The following PSD3 variants were observed in gnomAD, a reference collection of about 807,000 sequenced individuals.
PSD3 encodes the protein pleckstrin and Sec7 domain containing 3.
PSD3 carries 49 observed loss-of-function variants against 105.5 expected under a neutral mutation model. The observed-to-expected ratio is 0.46, with a 90% CI of 0.37 to 0.59. PSD3 has a LOEUF of 0.59. Ranked by LOEUF, PSD3 falls within the 20% of genes least tolerant of loss-of-function variation. The probability of loss-of-function intolerance (pLI) is 0.00; values close to 1 mark genes in which losing one functional copy is unlikely to be tolerated. For missense variants in PSD3, 1,561 were observed against 1,263.8 expected (o/e 1.24, Z -3.57); for synonymous variants, 557 against 457.8 (o/e 1.22, Z -2.77).
chr8:18,874,280 GTC>G (rs1817589663), intron 2 of PSD3, among the ~76,000 whole-genome samples: 1 of 151,870 alleles, frequency 6.6e-6, no homozygotes, highest in Admixed American at 6.6e-5. Flanking sequence ...TTCTGCCCCA[GTC>G]TCCAGAGTAG....
chr8:19,063,539 G>A (rs772936111), intron 1 of PSD3, among the ~76,000 whole-genome samples: 3 of 152,174 alleles, frequency 2.0e-5, no homozygotes, highest in South Asian at 2.1e-4. Flanking sequence ...CTACATCGTG[G>A]TGAGACAGGT....
intron 1 of PSD3, among the ~76,000 whole-genome samples, chr8:18,982,720 G>A (rs1825302997): frequency 6.6e-6 from 1 of 152,150 alleles, no homozygotes; most frequent in African/African-American, 2.4e-5. Flanking sequence ...CTAAGCAGCA[G>A]GCCTCAACAG....
intron 15 of PSD3, among the ~76,000 whole-genome samples, chr8:18,542,323 A>G (rs529843023): frequency 2.0e-5 from 3 of 152,242 alleles, no homozygotes; most frequent in Non-Finnish European, 4.4e-5. Flanking sequence ...ATTGACATGT[A>G]AAGTATCAGG....
chr8:18,753,495 G>A (rs987564110), intron 9 of PSD3, among the ~76,000 whole-genome samples: 8 of 152,128 alleles, frequency 5.3e-5, no homozygotes, highest in African/African-American at 7.2e-5. Flanking sequence ...GGCTTCTGGC[G>A]TTTCTGCAAA....
chr8:18,811,173 G>T (rs1015131131), intron 4 of PSD3, among the ~76,000 whole-genome samples: 1 of 152,134 alleles, frequency 6.6e-6, no homozygotes, highest in South Asian at 2.1e-4. Context: ...CTTCTTCCTA[G>T]GGATTGAATT....
chr8:18,834,396 C>T (rs943357889), intron 4 of PSD3, among the ~76,000 whole-genome samples: 1 of 152,104 alleles, frequency 6.6e-6, no homozygotes, highest in African/African-American at 2.4e-5. Flanking sequence ...ATTAATACAA[C>T]AAATCAAAAA....
chr8:18,741,139 AGAGT>A (rs1480116146), intron 9 of PSD3, among the ~76,000 whole-genome samples: 1 of 152,206 alleles, frequency 6.6e-6, no homozygotes, highest in African/African-American at 2.4e-5. Flanking sequence ...GAGGGAGATG[AGAGT>A]AAGTGGTGGG....
At chr8:18,579,482 G>T (rs1183713749) in intron 12 of PSD3, among the ~76,000 whole-genome samples, 1 of 152,032 alleles carries the variant, frequency 6.6e-6, no homozygotes, top group East Asian at 1.9e-4. Flanking sequence ...TTACTCTCTC[G>T]TGTTCCCTGC....
intron 12 of PSD3, among the ~76,000 whole-genome samples, chr8:18,585,688 T>C (rs1803128638): frequency 6.6e-6 from 1 of 152,160 alleles, no homozygotes; most frequent in South Asian, 2.1e-4. Flanking sequence ...ATACTCTCAT[T>C]TCTTATAAGA....
At chr8:18,843,268 G>C (rs1814803444) in intron 4 of PSD3, among the ~76,000 whole-genome samples, 1 of 151,812 alleles carries the variant, frequency 6.6e-6, no homozygotes, top group African/African-American at 2.4e-5. Context: ...GGCTGAGGCA[G>C]GAGAATGGCG....
intron 1 of PSD3, among the ~76,000 whole-genome samples, chr8:18,999,055 A>G (rs1350030025): frequency 6.6e-6 from 1 of 152,066 alleles, no homozygotes; most frequent in African/African-American, 2.4e-5. Flanking sequence ...GAAATAAATT[A>G]TTCAGGAGGG....
chr8:18,560,168 C>A (rs1431200744), intron 14 of PSD3, among the ~76,000 whole-genome samples: 1 of 125,724 alleles, frequency 8.0e-6, no homozygotes, highest in Non-Finnish European at 1.7e-5. Flanking sequence ...AAGAAAGATA[C>A]ACATTTTACA....
intron 2 of PSD3, among the ~76,000 whole-genome samples, chr8:18,920,481 G>T (rs544735974): frequency 6.6e-6 from 1 of 152,302 alleles, no homozygotes; most frequent in East Asian, 1.9e-4. Flanking sequence ...GAGCATGAGC[G>T]CTGCTTTCTT....
At chr8:18,969,507 A>G (rs1824502764) in intron 1 of PSD3, among the ~76,000 whole-genome samples, 1 of 152,246 alleles carries the variant, frequency 6.6e-6, no homozygotes, top group South Asian at 2.1e-4. Flanking sequence ...CCTTGTTAAA[A>G]AAATTATGTT....
intron 11 of PSD3, among the ~76,000 whole-genome samples, chr8:18,616,955 C>G (rs1334620734): frequency 6.6e-6 from 1 of 152,110 alleles, no homozygotes; most frequent in Non-Finnish European, 1.5e-5. Flanking sequence ...TGTTTTGATC[C>G]AAGCCCCCAT....
intron 1 of PSD3, among the ~76,000 whole-genome samples, chr8:19,052,011 G>T (rs1828546178): frequency 6.6e-6 from 1 of 152,200 alleles, no homozygotes; most frequent in African/African-American, 2.4e-5. Context: ...GGAGAATGAG[G>T]AAGGGGGCAT....
chr8:19,082,391 C>A (rs939586537), intron 1 of PSD3, among the ~76,000 whole-genome samples: 4 of 152,212 alleles, frequency 2.6e-5, no homozygotes, highest in South Asian at 2.1e-4. Context: ...CACTTTAGTC[C>A]GCAAATCTCC....
At chr8:18,786,830 T>A (rs1390017307) in intron 8 of PSD3, 1 of 152,360 alleles carries the variant, frequency 6.6e-6, no homozygotes, top group African/African-American at 2.4e-5. Context: ...GACTCACTGA[T>A]CATTCTTCTA....
intron 2 of PSD3, among the ~76,000 whole-genome samples, chr8:18,892,175 T>TCTCACACA (rs141172188): frequency 2.0e-5 from 3 of 149,864 alleles, no homozygotes; most frequent in Non-Finnish European, 3.0e-5. Flanking sequence ...TTACTTACAA[T>TCTCACACA]CACACACACA....
Sources: allele counts gnomAD v4.1 joint callset (sites outside exome capture counted in the v4.1 genomes callset), GRCh38; gene constraint gnomAD v4.1.1; transcripts MANE v1.5; gene names NCBI Gene and HGNC (gene_info 2026-07-23, HGNC 2026-07-21).